SMPD3: variants seen among roughly 807,000 people sequenced by gnomAD.
The protein encoded by SMPD3 is sphingomyelin phosphodiesterase 3.
SMPD3 carries 21 observed loss-of-function variants against 55.7 expected under a neutral mutation model. The observed-to-expected ratio is 0.38, with a 90% CI of 0.27 to 0.54. SMPD3 has a LOEUF of 0.54. Ranked by LOEUF, SMPD3 falls within the 20% of genes least tolerant of loss-of-function variation. SMPD3 has a pLI of 0.80. For missense variants in SMPD3, 842 were observed against 899.6 expected, an observed-to-expected ratio of 0.94 and a Z score of 0.82; for synonymous variants, 457 against 404.3, an observed-to-expected ratio of 1.13 and a Z score of -1.56.
At chr16:68,401,130 T>G (rs2090201677) in intron 1 of SMPD3, among the ~76,000 whole-genome samples, 1 of 152,170 alleles carries the variant, frequency 6.6e-6, no homozygotes. Flanking sequence ...TCCGTGAGTG[T>G]CAGAACTGGG....
intron 1 of SMPD3, among the ~76,000 whole-genome samples, chr16:68,389,668 G>A (rs1364954101): frequency 6.6e-6 from 1 of 152,210 alleles, no homozygotes. Context: ...AAGTCACACA[G>A]CCTTCCATCT....
In SMPD3 at chr16:68,426,991, C is replaced by CTT. The variant is rs56214206; in HGVS notation, c.-269+21360_-269+21361dup. On this transcript the variant is annotated intron_variant, in intron 1 of 8. Transcript: ENST00000219334. ...ATCAGAGATTTAAACTCAGGTCTAT[C>CTT]TTTTTTTTTTTTTTTTTTTTTTTGA... is the stretch of plus-strand genomic sequence containing the variant. Among the ~76,000 whole-genome samples the CTT allele has an allele frequency of 9.5e-3, 1,062 of 111,994 alleles. 18 individuals are homozygous for CTT. The highest frequency in any genetic ancestry group is 0.02 in the African/African-American group (556 of 27,884). 73.5% of individuals were successfully genotyped at this position (111,994 alleles called of 152,430 possible). A position where few individuals can be genotyped will look rare whatever the true frequency, so the allele number is the denominator to read the frequency against.
chr16:68,411,769 C>A (rs1166040724), intron 1 of SMPD3, among the ~76,000 whole-genome samples: 1 of 152,186 alleles, frequency 6.6e-6, no homozygotes, highest in African/African-American at 2.4e-5. Context: ...TCTGCCTCAC[C>A]CTGGTAGCAG....
intron 1 of SMPD3, among the ~76,000 whole-genome samples, chr16:68,431,970 C>T (rs914285985): frequency 6.6e-5 from 10 of 151,230 alleles, no homozygotes; most frequent in African/African-American, 2.4e-4. Context: ...CAAAAATTAG[C>T]TGGGTGTGGT....
rs2090193451 is a variant in SMPD3, at chr16:68,400,121, C to T, written c.-268-13462G>A. 1.3e-5 allele frequency among the ~76,000 whole-genome samples: 2 copies of T among 152,370 alleles called. 1 individual carries two copies. The highest frequency in any genetic ancestry group is 4.1e-4 in the South Asian group (2 of 4,828). On this transcript the variant is annotated intron_variant, in intron 1 of 8. Coordinates refer to ENST00000219334, the MANE Select transcript of SMPD3 (RefSeq NM_018667.4). ...GGTCTGTCTGACTCTAAAACCAGTGCTGTTCTCAATCCATCCTGCCACAGA... is the reference window on the plus strand; with the variant it reads ...GGTCTGTCTGACTCTAAAACCAGTGTTGTTCTCAATCCATCCTGCCACAGA...
In SMPD3 at chr16:68,359,592, G is replaced by C. The variant is rs2089113027; in HGVS notation, c.*1614C>G. ...GCAGCTCAATGGGTGACAAGGCACA[G>C]CATCAGGGCACCAGCACCAGGAGGG... On this transcript the variant is annotated 3_prime_UTR_variant, in exon 9 of 9. Transcript: ENST00000219334. The C allele has an allele frequency of 1.3e-5, 2 of 152,794 alleles. No individual in the cohort carries two copies. Among genetic ancestry groups the C allele is most frequent in the African/African-American group, 4.8e-5 (2 of 41,466 alleles). The allele number at this position is 152,794 out of a possible 1,614,324, so 9.5% of individuals were successfully genotyped here.
chr16:68,363,627 T>G (rs3826167), intron 6 of SMPD3, 68 bp from the exon 7 acceptor site: 1,084,749 of 1,496,442 alleles, frequency 0.72, 396,645 homozygotes, highest in African/African-American at 0.95. Context: ...GGGGGTGGCC[T>G]CTGTGGGTGG....
intron 1 of SMPD3, among the ~76,000 whole-genome samples, chr16:68,396,366 T>C (rs993181469): frequency 1.3e-5 from 2 of 152,220 alleles, no homozygotes; most frequent in African/African-American, 4.8e-5. Context: ...GTCTCGTTTC[T>C]GCCCCTCTTT....
chr16:68,395,300 AG>A (rs1182405055), intron 1 of SMPD3, among the ~76,000 whole-genome samples: 1 of 152,170 alleles, frequency 6.6e-6, no homozygotes, highest in Non-Finnish European at 1.5e-5. Context: ...AAGGCTTTTC[AG>A]GGGCTCTCTG....
In SMPD3 at chr16:68,359,162, A is replaced by C. The variant is rs550912385; in HGVS notation, c.*2044T>G. ...GTGTGGGGGCCCTGCCCGGGCCTCA[A>C]CTGCTCTCCCTGTGCAGGCAGTCGG... On this transcript the variant is annotated 3_prime_UTR_variant, in exon 9 of 9. Transcript: ENST00000219334. 18 of 152,458 alleles carry C rather than the reference A, an allele frequency of 1.2e-4. No individual in the cohort carries two copies. Among genetic ancestry groups the C allele is most frequent in the Admixed American group, 1.1e-3 (17 of 15,292 alleles). 9.4% of individuals were successfully genotyped at this position (152,458 alleles called of 1,614,324 possible). A position where few individuals can be genotyped will look rare whatever the true frequency, so the allele number is the denominator to read the frequency against.
At chr16:68,408,125 A>G (rs138728058) in intron 1 of SMPD3, among the ~76,000 whole-genome samples, 3,193 of 152,350 alleles carry the variant, frequency 0.021, 45 homozygotes, top group Middle Eastern at 0.044. Context: ...AAAAAAGGGA[A>G]ACATAATTAA....
chr16:68,361,851 G>T, intron 7 of SMPD3, 92 bp from the exon 8 acceptor site: 10 of 1,298,822 alleles, frequency 7.7e-6, no homozygotes, highest in Non-Finnish European at 1.0e-5. Flanking sequence ...TCCTCCCAGT[G>T]TGGGAGCGGG....
At position 68,372,342 on chromosome 16, in the gene SMPD3, G is replaced by A. The variant is rs189383996; in HGVS notation, c.-161C>T. On this transcript the variant is annotated 5_prime_UTR_variant, in exon 3 of 9. Transcript: ENST00000219334. Reference sequence around the variant, plus strand: ...GGTCAATGGCGAATGTTGGCCAGCCGGTCATGGTTCACCTCGGTGGGCCAT... The same window carrying A: ...GGTCAATGGCGAATGTTGGCCAGCCAGTCATGGTTCACCTCGGTGGGCCAT... 72 of 954,550 alleles carry A rather than the reference G, an allele frequency of 7.5e-5. No homozygotes were observed. The highest frequency in any genetic ancestry group is 9.3e-5 in the Non-Finnish European group (59 of 637,678). 59.1% of individuals were successfully genotyped at this position (954,550 alleles called of 1,614,324 possible). A position where few individuals can be genotyped will look rare whatever the true frequency, so the allele number is the denominator to read the frequency against.
At chr16:68,364,488 T>A (rs2089415898) in intron 5 of SMPD3, 1 of 469,496 alleles carries the variant, frequency 2.1e-6, no homozygotes, top group African/African-American at 2.0e-5. Flanking sequence ...GACTCGTCCT[T>A]TGTCTGCTTC....
chr16:68,370,979 C>A lies in SMPD3; in HGVS notation c.1203G>T (p.Lys401Asn). ...VYGCQGCCSFKCLNSGLLFAS... is the reference protein window; with the variant it reads ...VYGCQGCCSFNCLNSGLLFAS... Reference sequence around the variant, plus strand: ...CAAAGAGGAGGCCGCTGTTGAGACACTTGAAGCTGCAGCAGCCCTGGCAGC... The same window carrying A: ...CAAAGAGGAGGCCGCTGTTGAGACAATTGAAGCTGCAGCAGCCCTGGCAGC... The change falls in exon 3 of 9, where the codon AAG becomes AAT. Residue 401 changes from lysine to asparagine, a missense_variant. Physicochemically the swap from Lys to Asn is moderately conservative, Grantham distance 94. Transcript: ENST00000219334. 1.9e-6 allele frequency: 3 copies of A among 1,614,070 alleles called. No individual in the cohort carries two copies. The highest frequency in any genetic ancestry group is 2.5e-6 in the Non-Finnish European group (3 of 1,180,022).
intron 1 of SMPD3, among the ~76,000 whole-genome samples, chr16:68,418,690 G>T (rs2090359548): frequency 6.6e-6 from 1 of 152,208 alleles, no homozygotes; most frequent in African/African-American, 2.4e-5. Flanking sequence ...AACCAGTTTG[G>T]ATCCCATATG....
chr16:68,432,412 A>G (rs745309177), intron 1 of SMPD3, among the ~76,000 whole-genome samples: 2 of 152,228 alleles, frequency 1.3e-5, no homozygotes, highest in Non-Finnish European at 2.9e-5. Flanking sequence ...TTACTTTCCA[A>G]TGAAAGTATG....
rs892110854 is a variant in SMPD3, at chr16:68,371,375, G to A, written c.807C>T (p.Asn269=). The A allele has an allele frequency of 5.7e-6, 9 of 1,570,434 alleles. No individual in the cohort carries two copies. In the East Asian group the frequency reaches 8.9e-5, roughly 16 times the overall value. ...GGCCCCTTGGGCCCCCGCCAGCTCC[G>A]TTCCTGGCCTGGCCCCCAGGCACAG... The part of the protein sequence containing the change: ...DDPVPGGQAR[N]GAGGGPRGQT... The change falls in exon 3 of 9, where the codon AAC becomes AAT. Residue 269 remains asparagine (N), a synonymous_variant. Transcript: ENST00000219334.
chr16:68,421,699 C>A (rs1381057420), intron 1 of SMPD3, among the ~76,000 whole-genome samples: 1 of 152,224 alleles, frequency 6.6e-6, no homozygotes, highest in African/African-American at 2.4e-5. Flanking sequence ...CCATTCCTAG[C>A]CATTGACATT....
Sources: gnomAD v4.1 joint callset for allele counts (sites outside exome capture counted in the v4.1 genomes callset) on GRCh38, gnomAD v4.1.1 for gene constraint, MANE v1.5 for transcripts, NCBI Gene and HGNC (gene_info 2026-07-23, HGNC 2026-07-21) for gene names.